LGR5: variants seen among roughly 807,000 people sequenced by gnomAD.
LGR5 encodes leucine rich repeat containing G protein-coupled receptor 5.
Under a neutral mutation model 76.7 loss-of-function variants are expected in LGR5, and 54 were observed. The observed-to-expected ratio is 0.70, with a 90% CI of 0.57 to 0.88. The LOEUF is 0.88. Among genes scored for constraint, LGR5 ranks in the 40% least tolerant of loss-of-function variants. The pLI, the probability that LGR5 is intolerant of heterozygous loss-of-function variation, is 0.00. For synonymous variants in LGR5, 406 were observed against 421.9 expected, an observed-to-expected ratio of 0.96 and a Z score of 0.46; for missense variants, 1,078 against 1,073.3, an observed-to-expected ratio of 1.00 and a Z score of -0.06.
At chr12:71,583,555 T>C (rs1459452817) in intron 17 of LGR5, 92 bp from the exon 18 acceptor site, 3 of 1,425,228 alleles carry the variant, frequency 2.1e-6, no homozygotes, top group Non-Finnish European at 2.9e-6. Flanking sequence ...CCATTATCTC[T>C]TGGCATCCTA....
intron 1 of LGR5, among the ~76,000 whole-genome samples, chr12:71,503,288 T>C (rs1298624838): frequency 6.6e-6 from 1 of 152,202 alleles, no homozygotes; most frequent in African/African-American, 2.4e-5. Flanking sequence ...ATCCAGATTT[T>C]TGGAATATGG....
chr12:71,476,974 G>A (rs7303561), intron 1 of LGR5, among the ~76,000 whole-genome samples: 37,629 of 152,056 alleles, frequency 0.25, 6,157 homozygotes, highest in African/African-American at 0.47. Flanking sequence ...AACTTAAAAA[G>A]CATAAACCTA....
chr12:71,466,780 T>C (rs887344917), intron 1 of LGR5, among the ~76,000 whole-genome samples: 1 of 152,144 alleles, frequency 6.6e-6, no homozygotes, highest in African/African-American at 2.4e-5. Flanking sequence ...TTTTCAGGTT[T>C]TCTAAATTTA....
intron 2 of LGR5, among the ~76,000 whole-genome samples, chr12:71,505,084 G>A (rs980760130): frequency 3.3e-5 from 5 of 151,996 alleles, no homozygotes; most frequent in African/African-American, 9.7e-5. Context: ...TGCTTGGTTC[G>A]GCTTATGACA....
At chr12:71,498,667 G>C (rs746982678) in intron 1 of LGR5, among the ~76,000 whole-genome samples, 4 of 152,088 alleles carry the variant, frequency 2.6e-5, no homozygotes, top group Non-Finnish European at 5.9e-5. Context: ...ACCACTTTAG[G>C]GATTCAGGGT....
Position 71,466,877 on chromosome 12 carries a change from A to C in LGR5, c.212+26585A>C, listed in dbSNP as rs1311939157. ...TTGGTAACACGTCCTCCTTGGAAAT[A>C]GGCAGAATGCATCTGACTTTAAAGT... On this transcript the variant is annotated intron_variant, in intron 1 of 17. Transcript: ENST00000266674. Among the ~76,000 whole-genome samples the C allele has an allele frequency of 3.3e-5, 5 of 152,290 alleles. No homozygotes were observed. In the East Asian group the frequency reaches 9.6e-4, roughly 29 times the overall value.
intron 2 of LGR5, among the ~76,000 whole-genome samples, chr12:71,509,036 G>C (rs1875011273): frequency 6.6e-6 from 1 of 152,144 alleles, no homozygotes; most frequent in South Asian, 2.1e-4. Context: ...CCCGTGCATA[G>C]AGAAGGGGAG....
chr12:71,545,592 CT>C (rs543070221), intron 4 of LGR5, among the ~76,000 whole-genome samples: 6 of 149,376 alleles, frequency 4.0e-5, no homozygotes, highest in African/African-American at 9.8e-5. Flanking sequence ...ACACTTTTGG[CT>C]TTTTTTTTTC....
At position 71,579,699 on chromosome 12, in the gene LGR5, A is replaced by T. The variant is rs934260859; in HGVS notation, c.1407-579A>T. ...GCCCAATTAAATTATTATTGACTAC[A>T]GTCACCCTGTTGTGCTATTGAATAG... is the stretch of plus-strand genomic sequence containing the variant. On this transcript the variant is annotated intron_variant, in intron 15 of 17. Transcript: ENST00000266674. Among the ~76,000 whole-genome samples the T allele has an allele frequency of 2.0e-5, 3 of 152,198 alleles. No homozygotes were observed. The South Asian group carries it at 6.2e-4, about 32-fold the overall frequency.
rs555549004 is a variant in LGR5 at position 71,542,476 on chromosome 12, G to C, written c.428+7290G>C. ...TAAAAGCAATGGGAATCTGTTGGAG[G>C]GTTTTAAGGCTGGCAGGTGGGGGTA... On this transcript the variant is annotated intron_variant, in intron 4 of 17. Coordinates refer to ENST00000266674, the MANE Select transcript of LGR5 (RefSeq NM_003667.4). 2.6e-5 allele frequency among the ~76,000 whole-genome samples: 4 copies of C among 152,222 alleles called. No individual in the cohort carries two copies. The South Asian group carries it at 8.3e-4, about 32-fold the overall frequency.
intron 1 of LGR5, among the ~76,000 whole-genome samples, chr12:71,463,976 G>T (rs1872769233): frequency 6.6e-6 from 1 of 152,110 alleles, no homozygotes; most frequent in Admixed American, 6.6e-5. Flanking sequence ...CTGTCTCAGA[G>T]GTTAGCTGAT....
chr12:71,516,915 G>A (rs1214712414), intron 2 of LGR5, among the ~76,000 whole-genome samples: 5 of 150,656 alleles, frequency 3.3e-5, no homozygotes, highest in Non-Finnish European at 5.9e-5. Context: ...AGAAAGACAA[G>A]TTTTTTTTAA....
In LGR5 at chr12:71,558,403, C is replaced by T. The variant is rs147359493; in HGVS notation, c.717-1183C>T. ...AAGTTCATGTGAGTCTTATTGTCTCCCCTTCCTCTACCTTGCCCAGGGCTA... is the reference window on the plus strand; with the variant it reads ...AAGTTCATGTGAGTCTTATTGTCTCTCCTTCCTCTACCTTGCCCAGGGCTA... On this transcript the variant is annotated intron_variant, in intron 6 of 17. Coordinates refer to ENST00000266674, the MANE Select transcript of LGR5 (RefSeq NM_003667.4). 3.7e-4 allele frequency among the ~76,000 whole-genome samples: 56 copies of T among 152,236 alleles called. No homozygotes were observed. The South Asian group carries it at 4.8e-3, about 13-fold the overall frequency.
At chr12:71,517,516 C>T (rs1271520128) in intron 2 of LGR5, among the ~76,000 whole-genome samples, 1 of 152,228 alleles carries the variant, frequency 6.6e-6, no homozygotes, top group Non-Finnish European at 1.5e-5. Flanking sequence ...ACTTTCTCCT[C>T]TTCATTTCCA....
chr12:71,440,248 G>T lies in LGR5; in HGVS notation c.168G>T (p.Gly56=). 10 of 1,613,072 alleles carry T rather than the reference G, an allele frequency of 6.2e-6. No homozygotes were observed. The highest frequency in any genetic ancestry group is 8.5e-6 in the Non-Finnish European group (10 of 1,179,968). ...MLLRVDCSDL[G]LSELPSNLSV... ...TCAGGGTGGACTGCTCCGACCTGGGGCTCTCGGAGCTGCCTTCCAACCTCA... is the reference window on the plus strand; with the variant it reads ...TCAGGGTGGACTGCTCCGACCTGGGTCTCTCGGAGCTGCCTTCCAACCTCA... Residue 56 remains glycine (G), a synonymous_variant, in exon 1 of 18, where the codon GGG becomes GGT. Coordinates refer to ENST00000266674, the MANE Select transcript of LGR5 (RefSeq NM_003667.4). This position sits in a 1 kb window ranked among gnomAD's most constrained non-coding sequence, Gnocchi z 5.3.
At position 71,553,851 on chromosome 12, in the gene LGR5, G is replaced by A. The variant is rs960820499; in HGVS notation, c.644+563G>A. On this transcript the variant is annotated intron_variant, in intron 5 of 17. Transcript: ENST00000266674. ...CATACCTGTAATCCCAGCACTTTGC[G>A]AAGCCAAGGCGGGTGTATCACTTGA... Among the ~76,000 whole-genome samples the A allele has an allele frequency of 1.5e-4, 23 of 152,326 alleles. 1 individual carries two copies. Among genetic ancestry groups the A allele is most frequent in the South Asian group, 4.1e-4 (2 of 4,824 alleles).
chr12:71,516,660 T>C (rs910603642), intron 2 of LGR5, among the ~76,000 whole-genome samples: 3 of 152,212 alleles, frequency 2.0e-5, no homozygotes, highest in African/African-American at 7.2e-5. Context: ...CTTTAAAGAT[T>C]CAAATTACTT....
At chr12:71,474,144 TAC>T (rs987548508) in intron 1 of LGR5, among the ~76,000 whole-genome samples, 1 of 49,520 alleles carries the variant, frequency 2.0e-5, no homozygotes, top group African/African-American at 7.9e-5. Context: ...AAAAACTAAA[TAC>T]AAAAAAAAAA....
In LGR5 at chr12:71,584,635, C is replaced by A. The variant is rs745866493; in HGVS notation, c.2625C>A (p.Ser875Arg). The A allele has an allele frequency of 9.3e-6, 15 of 1,614,100 alleles. No homozygotes were observed. The highest frequency in any genetic ancestry group is 1.3e-5 in the Non-Finnish European group (15 of 1,180,050). Residue 875 changes from serine to arginine, a missense_variant, in exon 18 of 18, where the codon AGC becomes AGA. Ser to Arg is a moderately radical substitution (Grantham distance 110). Transcript: ENST00000266674. ...CCTTGGTAACCTTTACCAGCTCCAG[C>A]ATCACTTATGACCTGCCTCCCAGTT... ...TQALVTFTSS[S>R]ITYDLPPSSV...
Sources: allele counts gnomAD v4.1 joint callset (sites outside exome capture counted in the v4.1 genomes callset), GRCh38; gene constraint gnomAD v4.1.1; non-coding constraint Gnocchi (gnomAD v3.1); transcripts MANE v1.5; gene names NCBI Gene and HGNC (gene_info 2026-07-23, HGNC 2026-07-21).